ATG9B: variants seen among roughly 807,000 people sequenced by gnomAD.
The protein encoded by ATG9B is autophagy-related protein 9B.
A neutral mutation model predicts 92.9 loss-of-function variants in ATG9B; 92 were observed. The ratio of observed to expected loss-of-function variants is 0.99; its 90% CI spans 0.84 to 1.18. The LOEUF is 1.18. Among genes scored for constraint, ATG9B ranks in the 50% most tolerant of loss-of-function variants. The probability of loss-of-function intolerance (pLI) is 0.00; values close to 1 mark genes in which losing one functional copy is unlikely to be tolerated. For synonymous variants in ATG9B, 599 were observed against 551.4 expected (o/e 1.09, Z -1.21); for missense variants, 1,344 against 1,235.0 (o/e 1.09, Z -1.32).
chr7:151,016,772 C>T lies in ATG9B; in HGVS notation c.2339G>A (p.Arg780Lys), dbSNP rs1795507769. 1 of 1,612,844 alleles carries T rather than the reference C, an allele frequency of 6.2e-7. No individual in the cohort carries two copies. Among genetic ancestry groups the T allele is most frequent in the Non-Finnish European group, 8.5e-7 (1 of 1,179,650 alleles). ...NLFVHPLLPP[R>K]DLSPTAPCPA... Reference sequence around the variant, plus strand: ...ACAGGGGGCTGTCGGGCTCAGATCTCTCGGAGGCAGGAGAGGGTGCACGAA... The same window carrying T: ...ACAGGGGGCTGTCGGGCTCAGATCTTTCGGAGGCAGGAGAGGGTGCACGAA... Residue 780 changes from arginine to lysine, a missense_variant, in exon 10 of 14, where the codon AGA (arginine) becomes AAA (lysine). By Grantham distance (26) the Arg-to-Lys change is conservative. Coordinates refer to ENST00000639579, the MANE Select transcript of ATG9B (RefSeq NM_001317056.2).
In ATG9B at chr7:151,019,221, T is replaced by C. The variant is rs1235947264; in HGVS notation, c.1117A>G (p.Asn373Asp). Residue 373 changes from asparagine to aspartate, a missense_variant, in exon 6 of 14, where the codon AAC becomes GAC. Coordinates refer to ENST00000639579, the MANE Select transcript of ATG9B (RefSeq NM_001317056.2). Reference sequence around the variant, plus strand: ...CAGCGGGCCGGCAGCAGGCCTTTGTTGGCCAGCGCCACCTGGTAGTTGGTG... The same window carrying C: ...CAGCGGGCCGGCAGCAGGCCTTTGTCGGCCAGCGCCACCTGGTAGTTGGTG... ...RYTNYQVALANKGLLPARCPL... is the reference protein window; with the variant it reads ...RYTNYQVALADKGLLPARCPL... 1.4e-5 allele frequency: 22 copies of C among 1,545,028 alleles called. No homozygotes were observed. The highest frequency in any genetic ancestry group is 1.7e-5 in the Non-Finnish European group (20 of 1,150,702).
downstream of ATG9B, chr7:151,014,193 G>C: frequency 6.3e-7 from 1 of 1,585,276 alleles, no homozygotes; most frequent in South Asian, 1.1e-5. Flanking sequence ...TTCCCTTCCA[G>C]TTCCGGGAGA....
chr7:151,020,285 A>G (rs1795698274), intron 5 of ATG9B: 1 of 152,868 alleles, frequency 6.5e-6, no homozygotes, highest in African/African-American at 2.4e-5. Context: ...TTCCCAGTCC[A>G]GGTTAGTCAA....
chr7:151,017,813 G>A, intron 8 of ATG9B, 58 bp downstream of exon 8: 2 of 1,494,920 alleles, frequency 1.3e-6, no homozygotes, highest in Non-Finnish European at 1.8e-6. Flanking sequence ...GTCTGCTCCC[G>A]AGAGGCAAGC....
chr7:151,013,449 G>A (rs1795353060), downstream of ATG9B: 12 of 1,528,880 alleles, frequency 7.8e-6, no homozygotes, highest in Admixed American at 1.9e-5. Context: ...GCTCTCCAGC[G>A]GGGCACACCA....
chr7:151,016,394 C>G, intron 11 of ATG9B, 37 bp downstream of exon 11: 1 of 1,544,040 alleles, frequency 6.5e-7, no homozygotes, highest in Non-Finnish European at 8.8e-7. Context: ...CACCTGCCTT[C>G]TCTCCACATT....
chr7:151,018,211 G>A lies in ATG9B; in HGVS notation c.1872+83C>T. ...TCCGTTTGTCTCATGCCCTCTCCCA[G>A]ACAGACCCTCCGCGCAGACAGACCC... On this transcript the variant is annotated intron_variant, in intron 7 of 13. Coordinates refer to ENST00000639579, the MANE Select transcript of ATG9B (RefSeq NM_001317056.2). This position sits in a 1 kb window ranked among gnomAD's most constrained non-coding sequence, Gnocchi z 4.7. 6.7e-7 allele frequency: 1 copy of A among 1,482,180 alleles called. No individual in the cohort carries two copies. The highest frequency in any genetic ancestry group is 2.6e-4 in the Middle Eastern group (1 of 3,880). The allele number at this position is 1,482,180 out of a possible 1,614,324, so 91.8% of individuals were successfully genotyped here. A position where few individuals can be genotyped will look rare whatever the true frequency, so the allele number is the denominator to read the frequency against.
In ATG9B at chr7:151,018,222, C is replaced by T. The variant is rs1039897933; in HGVS notation, c.1872+72G>A. ...CATGCCCTCTCCCAGACAGACCCTC[C>T]GCGCAGACAGACCCTCCGCGCAGAC... On this transcript the variant is annotated intron_variant, in intron 7 of 13. Coordinates refer to ENST00000639579, the MANE Select transcript of ATG9B (RefSeq NM_001317056.2). This position sits in a 1 kb window ranked among gnomAD's most constrained non-coding sequence, Gnocchi z 4.7. 13 of 1,486,740 alleles carry T rather than the reference C, an allele frequency of 8.7e-6. No individual in the cohort carries two copies. The highest frequency in any genetic ancestry group is 1.2e-5 in the Non-Finnish European group (13 of 1,127,878). 92.1% of individuals were successfully genotyped at this position (1,486,740 alleles called of 1,614,324 possible).
Position 151,018,204 on chromosome 7 carries a change from TC to T in ATG9B, c.1872+89del. 2 of 1,483,272 alleles carry T rather than the reference TC, an allele frequency of 1.3e-6. No individual in the cohort carries two copies. Among genetic ancestry groups the T allele is most frequent in the East Asian group, 4.7e-5 (2 of 42,188 alleles). The allele number at this position is 1,483,272 out of a possible 1,614,324, so 91.9% of individuals were successfully genotyped here. A position where few individuals can be genotyped will look rare whatever the true frequency, so the allele number is the denominator to read the frequency against. On this transcript the variant is annotated intron_variant, in intron 7 of 13. Transcript: ENST00000639579. The surrounding 1 kb of genome is among the most constrained non-coding windows in gnomAD (Gnocchi z 4.7). ...GGTATAGTCCGTTTGTCTCATGCCC[TC>T]TCCCAGACAGACCCTCCGCGCAGAC...
intron 11 of ATG9B, 70 bp from the exon 12 acceptor site, chr7:151,016,305 C>G (rs1584920025): frequency 6.8e-7 from 1 of 1,478,562 alleles, no homozygotes; most frequent in East Asian, 2.5e-5. Context: ...GGGCTAGAGG[C>G]AGAGGGCTTT....
At chr7:151,014,055 C>A (rs143054141), downstream of ATG9B, 448 of 1,613,744 alleles carry the variant, frequency 2.8e-4, 1 homozygote, top group African/African-American at 5.1e-3. Context: ...CGCTGCGCAC[C>A]CAGGAGGTGA....
chr7:151,014,080 A>C (rs1196311566), downstream of ATG9B: 3 of 1,613,734 alleles, frequency 1.9e-6, no homozygotes, highest in Non-Finnish European at 2.5e-6. Context: ...CCGCATACGC[A>C]CCCAGAGCTT....
downstream of ATG9B, chr7:151,013,154 C>A: frequency 1.3e-6 from 2 of 1,493,968 alleles, no homozygotes; most frequent in Non-Finnish European, 1.8e-6. Context: ...CCAGGCTGGG[C>A]GACGGTGGCC....
chr7:151,017,565 C>A (rs1467677185), intron 8 of ATG9B, among the ~76,000 whole-genome samples: 17 of 152,188 alleles, frequency 1.1e-4, no homozygotes, highest in Non-Finnish European at 4.4e-5. Flanking sequence ...ACCGGCCAAG[C>A]CCATTCCTCA....
At chr7:151,012,751 A>T (rs1217819351), downstream of ATG9B, 4 of 375,890 alleles carry the variant, frequency 1.1e-5, no homozygotes, top group Non-Finnish European at 2.0e-5. Context: ...TCAAAGAAGA[A>T]CTGCCCAAGG....
chr7:151,020,662 G>A (rs566748101), intron 5 of ATG9B, among the ~76,000 whole-genome samples: 9 of 152,344 alleles, frequency 5.9e-5, no homozygotes, highest in Non-Finnish European at 1.0e-4. Context: ...GGAAACAAAG[G>A]GCAGAGCATA....
rs985211928 is a variant in ATG9B, at chr7:151,018,157, C to T, written c.1873-107G>A. Reference sequence around the variant, plus strand: ...CTCGCCAGGGCAAGAAGCCTCCCCACCCAGTCACTCCCTAGACTCCTGGTA... The same window carrying T: ...CTCGCCAGGGCAAGAAGCCTCCCCATCCAGTCACTCCCTAGACTCCTGGTA... On this transcript the variant is annotated intron_variant, in intron 7 of 13. Coordinates refer to ENST00000639579, the MANE Select transcript of ATG9B (RefSeq NM_001317056.2). This position sits in a 1 kb window ranked among gnomAD's most constrained non-coding sequence, Gnocchi z 4.7. 128 of 1,464,430 alleles carry T rather than the reference C, an allele frequency of 8.7e-5. 1 individual carries two copies. The South Asian group carries it at 1.2e-3, about 14-fold the overall frequency. The allele number at this position is 1,464,430 out of a possible 1,614,324, so 90.7% of individuals were successfully genotyped here.
In ATG9B at chr7:151,023,726, G is replaced by C. The variant is rs759834233; in HGVS notation, c.555C>G (p.Ser185=). 3 of 1,613,952 alleles carry C rather than the reference G, an allele frequency of 1.9e-6. No individual in the cohort carries two copies. Among genetic ancestry groups the C allele is most frequent in the East Asian group, 4.5e-5 (2 of 44,894 alleles). The part of the protein sequence containing the change: ...LLHVPEGLRG[S]WHHIQNLDSF... ...TGTCCAGGTTCTGGATGTGATGCCA[G>C]GAGCCTGGGCACAGAGGGGAGAGTG... The change falls in exon 2 of 14, where the codon TCC becomes TCG. Residue 185 remains serine, a synonymous_variant. Transcript: ENST00000639579.
chr7:151,021,389 C>G, intron 4 of ATG9B, 60 bp from the exon 5 acceptor site: 1 of 1,513,872 alleles, frequency 6.6e-7, no homozygotes. Flanking sequence ...AGAGGCAGAC[C>G]AGACTTCGGG....
Sources: gnomAD v4.1 joint callset for allele counts (sites outside exome capture counted in the v4.1 genomes callset) on GRCh38, gnomAD v4.1.1 for gene constraint, Gnocchi (gnomAD v3.1) non-coding constraint, MANE v1.5 for transcripts, NCBI Gene and HGNC (gene_info 2026-07-23, HGNC 2026-07-21) for gene names.